ANTXR2: variants seen among roughly 807,000 people sequenced by gnomAD.
ANTXR2 encodes the protein ANTXR cell adhesion molecule 2.
ANTXR2 carries 44 observed loss-of-function variants against 73.7 expected under a neutral mutation model. That is an observed-to-expected ratio of 0.60 (90% CI 0.47 to 0.77). ANTXR2 has a LOEUF of 0.77. Ranked by LOEUF, ANTXR2 falls within the 30% of genes least tolerant of loss-of-function variation. The probability of loss-of-function intolerance (pLI) is 0.00; values close to 1 mark genes in which losing one functional copy is unlikely to be tolerated. For synonymous variants in ANTXR2, 217 were observed against 205.9 expected (o/e 1.05, Z -0.46); for missense variants, 604 against 592.5 (o/e 1.02, Z -0.20).
intron 11 of ANTXR2, among the ~76,000 whole-genome samples, chr4:80,015,552 T>C (rs899265686): frequency 1.3e-5 from 2 of 152,104 alleles, no homozygotes; most frequent in East Asian, 3.9e-4. Flanking sequence ...TGTTTCACCA[T>C]CACATGTGTG....
At chr4:79,958,377 T>C (rs1729004449) in intron 16 of ANTXR2, among the ~76,000 whole-genome samples, 1 of 152,144 alleles carries the variant, frequency 6.6e-6, no homozygotes, top group Non-Finnish European at 1.5e-5. Flanking sequence ...CTAAACTTCT[T>C]ATCTCATAAA....
intron 11 of ANTXR2, 96 bp downstream of exon 11, chr4:80,018,802 T>A: frequency 1.0e-6 from 1 of 977,894 alleles, no homozygotes; most frequent in Non-Finnish European, 1.5e-6. Flanking sequence ...TGTTTGCATC[T>A]CCTTTATTGT....
At chr4:79,966,810 A>T (rs2110002354) in intron 16 of ANTXR2, among the ~76,000 whole-genome samples, 1 of 152,332 alleles carries the variant, frequency 6.6e-6, no homozygotes, top group East Asian at 1.9e-4. Flanking sequence ...ATTTACCATG[A>T]TTAAATGGCC....
intron 3 of ANTXR2, among the ~76,000 whole-genome samples, chr4:80,064,290 G>A (rs934107066): frequency 1.1e-4 from 17 of 152,108 alleles, no homozygotes; most frequent in Non-Finnish European, 2.5e-4. Context: ...TAACTGATTT[G>A]TAAGAGTAGG....
intron 16 of ANTXR2, among the ~76,000 whole-genome samples, chr4:79,912,495 A>G (rs1727184883): frequency 6.6e-6 from 1 of 152,068 alleles, no homozygotes; most frequent in African/African-American, 2.4e-5. Context: ...TCTAAAGAAT[A>G]CTGTTTTATG....
chr4:80,019,484 T>C (rs1324805605), intron 10 of ANTXR2, among the ~76,000 whole-genome samples: 1 of 152,266 alleles, frequency 6.6e-6, no homozygotes, highest in Non-Finnish European at 1.5e-5. Flanking sequence ...ACTAATTGTT[T>C]CTTTACAAAG....
intron 8 of ANTXR2, among the ~76,000 whole-genome samples, chr4:80,033,849 A>C (rs1732822132): frequency 6.6e-6 from 1 of 152,048 alleles, no homozygotes; most frequent in South Asian, 2.1e-4. Flanking sequence ...ATAGAACAGA[A>C]GCATTAACAG....
At chr4:79,951,591 CAAA>C (rs61444171) in intron 16 of ANTXR2, among the ~76,000 whole-genome samples, 53,077 of 148,688 alleles carry the variant, frequency 0.36, 11,672 homozygotes, top group Non-Finnish European at 0.47. Flanking sequence ...ACAACAACAA[CAAA>C]AAAAAAAAAA....
chr4:79,966,610 T>C (rs1729375505), intron 16 of ANTXR2, among the ~76,000 whole-genome samples: 1 of 152,208 alleles, frequency 6.6e-6, no homozygotes. Context: ...AGAACTGAAA[T>C]TTAAGAAATA....
At chr4:80,060,371 T>C (rs1472846437) in intron 3 of ANTXR2, among the ~76,000 whole-genome samples, 1 of 152,224 alleles carries the variant, frequency 6.6e-6, no homozygotes, top group Non-Finnish European at 1.5e-5. Context: ...TAAGAACCTC[T>C]GATCTAACCT....
chr4:80,036,014 T>C lies in ANTXR2; in HGVS notation c.655A>G (p.Thr219Ala). 23 of 1,529,352 alleles carry C rather than the reference T, an allele frequency of 1.5e-5. No individual in the cohort carries two copies. Among genetic ancestry groups the C allele is most frequent in the Non-Finnish European group, 2.0e-5 (23 of 1,141,268 alleles). The allele number at this position is 1,529,352 out of a possible 1,614,324, so 94.7% of individuals were successfully genotyped here. ...IINSILAQSCTEILELQPSSV... is the reference protein window; with the variant it reads ...IINSILAQSCAEILELQPSSV... ...GAGGGCTGCAATTCTAGGATTTCAG[T>C]ACATGACTGAGCTAGTATCTAAAAA... Residue 219 changes from threonine to alanine, a missense_variant, in exon 8 of 17, where the codon ACT becomes GCT. Transcript: ENST00000403729.
intron 11 of ANTXR2, among the ~76,000 whole-genome samples, chr4:80,011,272 T>C (rs1560986110): frequency 9.7e-5 from 2 of 20,698 alleles, no homozygotes; most frequent in African/African-American, 1.9e-4. Flanking sequence ...CTGGTCTTGC[T>C]ATCTATCTAT....
chr4:79,980,196 T>C (rs1001515192), intron 14 of ANTXR2, among the ~76,000 whole-genome samples: 1 of 152,162 alleles, frequency 6.6e-6, no homozygotes, highest in African/African-American at 2.4e-5. Context: ...TTAAAGAAAT[T>C]CATTAGTTTT....
At chr4:80,063,041 GTAGT>G (rs1381202657) in intron 3 of ANTXR2, among the ~76,000 whole-genome samples, 5 of 152,096 alleles carry the variant, frequency 3.3e-5, no homozygotes, top group South Asian at 2.1e-4. Flanking sequence ...AAATTAAAAG[GTAGT>G]TAGTTGCAGG....
chr4:80,054,308 T>C lies in ANTXR2; in HGVS notation c.600A>G (p.Lys200=). ...ADSKEQVFPV[K]GGFQALKGII... is the part of the protein sequence containing the mutation. ...TTCCTTTAAGAGCCTGAAATCCACC[T>C]TTGACAGGGAAAACTTGCTCCTTGG... Residue 200 remains lysine, a synonymous_variant, in exon 7 of 17, where the codon AAA becomes AAG. Transcript: ENST00000403729. The C allele has an allele frequency of 6.3e-7, 1 of 1,597,136 alleles. No homozygotes were observed. The highest frequency in any genetic ancestry group is 8.5e-7 in the Non-Finnish European group (1 of 1,172,046).
intron 16 of ANTXR2, among the ~76,000 whole-genome samples, chr4:79,937,734 C>T (rs1490324068): frequency 6.6e-6 from 1 of 152,040 alleles, no homozygotes; most frequent in African/African-American, 2.4e-5. Flanking sequence ...CCAAGATGGC[C>T]GAATAGGAAC....
chr4:80,015,893 AAGG>A (rs539876063), intron 11 of ANTXR2, among the ~76,000 whole-genome samples: 217 of 88,784 alleles, frequency 2.4e-3, no homozygotes, highest in East Asian at 0.012. Context: ...AAGGAAAGGA[AAGG>A]AAAGGAAAGG....
In ANTXR2 at chr4:79,904,192, G is replaced by A. The variant is rs927825646; in HGVS notation, c.*3237C>T. ...TTTAGATAATAAAGTTAACTTCACA[G>A]AAACACCCAAATCTTGTATCTAGTA... On this transcript the variant is annotated 3_prime_UTR_variant, in exon 17 of 17. Transcript: ENST00000403729. 9.2e-5 allele frequency: 14 copies of A among 151,990 alleles called. No individual in the cohort carries two copies. Among genetic ancestry groups the A allele is most frequent in the African/African-American group, 3.4e-4 (14 of 41,506 alleles). 9.4% of individuals were successfully genotyped at this position (151,990 alleles called of 1,614,324 possible). A position where few individuals can be genotyped will look rare whatever the true frequency, so the allele number is the denominator to read the frequency against.
At chr4:79,927,865 T>A (rs1341213774) in intron 16 of ANTXR2, among the ~76,000 whole-genome samples, 2 of 152,112 alleles carry the variant, frequency 1.3e-5, no homozygotes, top group African/African-American at 2.4e-5. Context: ...AAATAACAAG[T>A]GTTGGCAGGA....
Sources: allele counts gnomAD v4.1 joint callset (sites outside exome capture counted in the v4.1 genomes callset), GRCh38; gene constraint gnomAD v4.1.1; transcripts MANE v1.5; gene names NCBI Gene and HGNC (gene_info 2026-07-23, HGNC 2026-07-21).